The following FRMD4B variants were observed in gnomAD, a reference collection of about 807,000 sequenced individuals.
The protein encoded by FRMD4B is FERM domain containing 4B.
A neutral mutation model predicts 141.5 loss-of-function variants in FRMD4B; 74 were observed. That is an observed-to-expected ratio of 0.52 (90% CI 0.43 to 0.63). The LOEUF (loss-of-function observed/expected upper bound fraction) is 0.63. FRMD4B is among the 30% of genes least tolerant of loss of function. FRMD4B has a pLI of 0.00. For synonymous variants in FRMD4B, 506 were observed against 467.9 expected (o/e 1.08, Z -1.05); for missense variants, 1,366 against 1,253.4 (o/e 1.09, Z -1.36).
chr3:69,388,777 AC>A (rs1231491248), upstream of FRMD4B, among the ~76,000 whole-genome samples: 3 of 152,106 alleles, frequency 2.0e-5, no homozygotes, highest in Non-Finnish European at 4.4e-5. Context: ...AATCACCATA[AC>A]CCCCCGAATC....
intron 1 of FRMD4B, among the ~76,000 whole-genome samples, chr3:69,519,669 G>A (rs1361995682): frequency 1.3e-5 from 2 of 151,924 alleles, no homozygotes; most frequent in Non-Finnish European, 2.9e-5. Context: ...AGGTTTTGGG[G>A]AGGAACAGTT....
At chr3:69,385,078 A>AG (rs1036226373) in intron 1 of FRMD4B, among the ~76,000 whole-genome samples, 1 of 152,088 alleles carries the variant, frequency 6.6e-6, no homozygotes, top group African/African-American at 2.4e-5. Context: ...AAAAAAAAAA[A>AG]AAGAAATCCA....
chr3:69,339,865 G>GC (rs1398754565), intron 1 of FRMD4B, among the ~76,000 whole-genome samples: 2 of 152,112 alleles, frequency 1.3e-5, no homozygotes, highest in Non-Finnish European at 2.9e-5. Context: ...CCTGAGAGGG[G>GC]ATTCTTGACA....
At chr3:69,216,086 G>C (rs903972729) in intron 11 of FRMD4B, among the ~76,000 whole-genome samples, 177 bp downstream of exon 11, 2 of 152,004 alleles carry the variant, frequency 1.3e-5, no homozygotes, top group African/African-American at 2.4e-5. Flanking sequence ...CCCAGGAGGT[G>C]GAGGTTGCAG....
chr3:69,425,124 C>G (rs1705055071), intron 2 of FRMD4B, among the ~76,000 whole-genome samples: 1 of 152,200 alleles, frequency 6.6e-6, no homozygotes, highest in Non-Finnish European at 1.5e-5. Context: ...GTGTTATTAT[C>G]TCTTATCAGT....
At chr3:69,328,345 G>A (rs1254451529) in intron 1 of FRMD4B, among the ~76,000 whole-genome samples, 1 of 152,208 alleles carries the variant, frequency 6.6e-6, no homozygotes, top group Non-Finnish European at 1.5e-5. Flanking sequence ...TCTCTTCCCA[G>A]ATCAGTAAGT....
chr3:69,369,452 T>A (rs1012524597), intron 1 of FRMD4B, among the ~76,000 whole-genome samples: 3 of 152,138 alleles, frequency 2.0e-5, no homozygotes, highest in African/African-American at 7.2e-5. Context: ...GTAACCTAAT[T>A]TAGTATATAA....
chr3:69,215,805 G>A (rs1010626824), intron 11 of FRMD4B, among the ~76,000 whole-genome samples: 1 of 152,098 alleles, frequency 6.6e-6, no homozygotes, highest in African/African-American at 2.4e-5. Context: ...ATGCATAAAT[G>A]TACATATAAA....
chr3:69,370,772 C>T (rs900870223), intron 1 of FRMD4B, among the ~76,000 whole-genome samples: 1 of 152,226 alleles, frequency 6.6e-6, no homozygotes, highest in Non-Finnish European at 1.5e-5. Flanking sequence ...TACCCTTGCC[C>T]GGGTCCCCAT....
chr3:69,375,972 T>C (rs958245749), intron 1 of FRMD4B, among the ~76,000 whole-genome samples: 1 of 152,210 alleles, frequency 6.6e-6, no homozygotes, highest in African/African-American at 2.4e-5. Flanking sequence ...AAGAGATTGA[T>C]ATATTCATGC....
chr3:69,177,997 G>A (rs775561318), intron 21 of FRMD4B, among the ~76,000 whole-genome samples: 2 of 152,224 alleles, frequency 1.3e-5, no homozygotes, highest in Non-Finnish European at 2.9e-5. Context: ...TAGTTCTACA[G>A]AGGAACTGAA....
intron 13 of FRMD4B, chr3:69,196,640 C>A (rs994627817): frequency 1.8e-6 from 1 of 571,088 alleles, no homozygotes; most frequent in Admixed American, 3.6e-5. Flanking sequence ...GAAGTGTCAC[C>A]GGCAACATCA....
chr3:69,261,471 G>C lies in FRMD4B; in HGVS notation c.502-11372C>G, dbSNP rs77057127. On this transcript the variant is annotated intron_variant, in intron 5 of 22. Coordinates refer to ENST00000398540, the MANE Select transcript of FRMD4B (RefSeq NM_015123.3). ...CCAAAGCTAATAATGTTAACTTTTA[G>C]CTAATTTATTTCCATTTTCTAGGCT... 5.5e-3 allele frequency among the ~76,000 whole-genome samples: 838 copies of C among 152,164 alleles called. 6 individuals carry two copies. The highest frequency in any genetic ancestry group is 0.019 in the African/African-American group (786 of 41,508).
intron 1 of FRMD4B, among the ~76,000 whole-genome samples, chr3:69,347,170 A>C (rs1438836904): frequency 2.0e-5 from 3 of 152,124 alleles, no homozygotes; most frequent in Non-Finnish European, 4.4e-5. Flanking sequence ...AAAAAAGGCA[A>C]GGGTTGCAAT....
intron 7 of FRMD4B, among the ~76,000 whole-genome samples, chr3:69,245,841 T>TTTTG (rs2093422284): frequency 7.0e-6 from 1 of 143,210 alleles, no homozygotes; most frequent in Non-Finnish European, 1.5e-5. Flanking sequence ...TTTGTTTTTT[T>TTTTG]TTTTTTTTTT....
intron 8 of FRMD4B, 144 bp downstream of exon 8, chr3:69,224,463 T>C: frequency 1.5e-6 from 1 of 668,382 alleles, no homozygotes; most frequent in East Asian, 2.7e-5. Flanking sequence ...ACTGAAAGGA[T>C]CAAGGTCTAC....
intron 7 of FRMD4B, among the ~76,000 whole-genome samples, chr3:69,225,005 G>A (rs1328710994): frequency 6.6e-6 from 1 of 152,098 alleles, no homozygotes; most frequent in Non-Finnish European, 1.5e-5. Context: ...TGTTCCTACA[G>A]TATCTTACTA....
At chr3:69,429,917 G>GAA (rs1705149458) in intron 2 of FRMD4B, among the ~76,000 whole-genome samples, 1 of 151,882 alleles carries the variant, frequency 6.6e-6, no homozygotes, top group Non-Finnish European at 1.5e-5. Context: ...GCACCACCAC[G>GAA]TCTGGCTAAT....
At chr3:69,265,828 A>G (rs1479364542) in intron 5 of FRMD4B, among the ~76,000 whole-genome samples, 5 of 152,100 alleles carry the variant, frequency 3.3e-5, no homozygotes, top group Non-Finnish European at 7.4e-5. Flanking sequence ...CTCCACTAAA[A>G]GGAAAAATGG....
Sources: gnomAD v4.1 joint callset for allele counts (sites outside exome capture counted in the v4.1 genomes callset) on GRCh38, gnomAD v4.1.1 for gene constraint, MANE v1.5 for transcripts, NCBI Gene and HGNC (gene_info 2026-07-23, HGNC 2026-07-21) for gene names.